Variants in UNC5C observed in about 807,000 individuals in gnomAD.
UNC5C encodes the protein netrin receptor UNC5C.
Under a neutral mutation model 99.8 loss-of-function variants are expected in UNC5C, and 47 were observed. The ratio of observed to expected loss-of-function variants is 0.47; its 90% CI spans 0.37 to 0.60. The LOEUF (loss-of-function observed/expected upper bound fraction) is 0.60. UNC5C is among the 20% of genes least tolerant of loss of function. The pLI is 0.00. For missense variants in UNC5C, 1,062 were observed against 1,165.9 expected, an observed-to-expected ratio of 0.91 and a Z score of 1.30; for synonymous variants, 487 against 452.2, an observed-to-expected ratio of 1.08 and a Z score of -0.98.
intron 4 of UNC5C, among the ~76,000 whole-genome samples, chr4:95,261,298 C>A (rs1273944679): frequency 1.3e-5 from 2 of 152,154 alleles, no homozygotes; most frequent in African/African-American, 4.8e-5. Flanking sequence ...ATGACCCTGT[C>A]ACTCATAGGA....
At chr4:95,422,961 C>A (rs1423253560) in intron 1 of UNC5C, among the ~76,000 whole-genome samples, 1 of 152,152 alleles carries the variant, frequency 6.6e-6, no homozygotes, top group East Asian at 1.9e-4. Flanking sequence ...TAGCAGTCTA[C>A]AATTTCAGAA....
intron 1 of UNC5C, among the ~76,000 whole-genome samples, chr4:95,497,821 C>T (rs1233573851): frequency 6.6e-6 from 1 of 151,812 alleles, no homozygotes; most frequent in Admixed American, 6.6e-5. Context: ...GTGTTTTTCC[C>T]AGTCTTTTAA....
At chr4:95,418,259 C>T (rs1578151797) in intron 1 of UNC5C, among the ~76,000 whole-genome samples, 1 of 152,182 alleles carries the variant, frequency 6.6e-6, no homozygotes, top group East Asian at 1.9e-4. Flanking sequence ...AAAGCAATTG[C>T]ATTTTTCTTT....
intron 1 of UNC5C, among the ~76,000 whole-genome samples, chr4:95,495,428 A>C (rs1004627572): frequency 6.6e-6 from 1 of 151,602 alleles, no homozygotes; most frequent in Non-Finnish European, 1.5e-5. Flanking sequence ...AAAATTAAGC[A>C]CAGTATCTTT....
At chr4:95,516,466 C>T (rs1431887252) in intron 1 of UNC5C, among the ~76,000 whole-genome samples, 1 of 152,172 alleles carries the variant, frequency 6.6e-6, no homozygotes. Context: ...TTTTGTGAAA[C>T]TGCTCGAAGC....
intron 1 of UNC5C, among the ~76,000 whole-genome samples, chr4:95,442,571 G>C (rs757602661): frequency 2.6e-5 from 4 of 151,684 alleles, no homozygotes; most frequent in Non-Finnish European, 5.9e-5. Context: ...GGCTCAAGCA[G>C]TCCTCTCACC....
At chr4:95,321,451 T>A (rs1207248421) in intron 2 of UNC5C, among the ~76,000 whole-genome samples, 1 of 152,124 alleles carries the variant, frequency 6.6e-6, no homozygotes, top group Non-Finnish European at 1.5e-5. Context: ...TTCATCTGCG[T>A]GATATAATAG....
chr4:95,292,864 G>A (rs1560773462), intron 3 of UNC5C, among the ~76,000 whole-genome samples: 2 of 151,946 alleles, frequency 1.3e-5, no homozygotes, highest in African/African-American at 4.8e-5. Context: ...CACAGGCAAG[G>A]GACGTCTTCT....
intron 1 of UNC5C, among the ~76,000 whole-genome samples, chr4:95,460,314 C>CT (rs1747563831): frequency 7.3e-5 from 11 of 149,988 alleles, no homozygotes; most frequent in African/African-American, 2.7e-4. Context: ...CTAATAATAA[C>CT]TTTTCTCTAA....
intron 1 of UNC5C, among the ~76,000 whole-genome samples, chr4:95,403,918 G>A (rs1409888155): frequency 1.3e-5 from 2 of 152,204 alleles, no homozygotes; most frequent in East Asian, 1.9e-4. Context: ...TACCTTGGGG[G>A]AAGGAAACTA....
At chr4:95,354,481 T>A (rs10433973) in intron 1 of UNC5C, among the ~76,000 whole-genome samples, 46,243 of 99,610 alleles carry the variant, frequency 0.46, 9,739 homozygotes, top group East Asian at 0.8. Flanking sequence ...ATATATATAT[T>A]TTTTTTTTTT....
intron 1 of UNC5C, among the ~76,000 whole-genome samples, chr4:95,394,638 G>A (rs1328211513): frequency 7.7e-6 from 1 of 129,334 alleles, no homozygotes; most frequent in Non-Finnish European, 1.6e-5. Flanking sequence ...CATCTGCTAT[G>A]AAAAGGTATT....
At chr4:95,480,818 C>T (rs1322781422) in intron 1 of UNC5C, among the ~76,000 whole-genome samples, 1 of 151,962 alleles carries the variant, frequency 6.6e-6, no homozygotes, top group African/African-American at 2.4e-5. Flanking sequence ...ACCATTCATG[C>T]TAAAAACTCT....
intron 1 of UNC5C, among the ~76,000 whole-genome samples, chr4:95,358,796 A>G (rs530775428): frequency 1.3e-5 from 2 of 152,318 alleles, no homozygotes; most frequent in South Asian, 2.1e-4. Flanking sequence ...CAATCTTTAC[A>G]TGAAGTTGAA....
intron 1 of UNC5C, among the ~76,000 whole-genome samples, chr4:95,344,186 C>T (rs76463981): frequency 0.038 from 5,766 of 151,890 alleles, 152 homozygotes; most frequent in Non-Finnish European, 0.056. Context: ...AAAAAGGATC[C>T]TAAACGCAGC....
rs765481264 is a variant in UNC5C at position 95,185,123 on chromosome 4, C to G, written c.2210G>C (p.Ser737Thr). 1.7e-5 allele frequency: 28 copies of G among 1,613,876 alleles called. No homozygotes were observed. In the Middle Eastern group the frequency reaches 6.6e-4, roughly 38 times the overall value. Reference sequence around the variant, plus strand: ...AATTGACAGGCGCAGGTTGTGGGTGCTGCCTTTAAAATGAAGAGCCTTAGG... The same window carrying G: ...AATTGACAGGCGCAGGTTGTGGGTGGTGCCTTTAAAATGAAGAGCCTTAGG... ...EEPKALHFKGSTHNLRLSIHD... is the reference protein window; with the variant it reads ...EEPKALHFKGTTHNLRLSIHD... Residue 737 changes from serine to threonine, a missense_variant, in exon 13 of 16, where the codon AGC (serine) becomes ACC (threonine). Around this residue, in one of 3 missense-constraint regions of UNC5C, gnomAD observed 810 missense variants for 854.5 expected, o/e 0.95. Transcript: ENST00000453304.
intron 1 of UNC5C, among the ~76,000 whole-genome samples, chr4:95,541,039 T>C (rs1170404937): frequency 6.6e-6 from 1 of 152,192 alleles, no homozygotes; most frequent in Non-Finnish European, 1.5e-5. Context: ...ATTTAAAATA[T>C]TGAATTTGAA....
intron 1 of UNC5C, among the ~76,000 whole-genome samples, chr4:95,394,257 C>CAA (rs11441712): frequency 0.056 from 7,437 of 132,584 alleles, 285 homozygotes; most frequent in African/African-American, 0.11. Flanking sequence ...TAGTAATTTA[C>CAA]AAAAAAAAAA....
intron 1 of UNC5C, among the ~76,000 whole-genome samples, chr4:95,472,502 T>C (rs1748001095): frequency 1.3e-5 from 2 of 152,166 alleles, no homozygotes; most frequent in African/African-American, 4.8e-5. Context: ...TTCTTTTTCA[T>C]GTATTTAAAT....
Sources: gnomAD v4.1 joint callset for allele counts (sites outside exome capture counted in the v4.1 genomes callset) on GRCh38, gnomAD v4.1.1 for gene constraint, gnomAD v4.1.1 regional missense constraint, MANE v1.5 for transcripts, NCBI Gene and HGNC (gene_info 2026-07-23, HGNC 2026-07-21) for gene names.